The following APOA4 variants were observed in gnomAD, a reference collection of about 807,000 sequenced individuals.
APOA4 encodes the protein apolipoprotein A-IV.
A neutral mutation model predicts 33.6 loss-of-function variants in APOA4; 25 were observed. The ratio of observed to expected loss-of-function variants is 0.74; its 90% confidence interval spans 0.54 to 1.04. APOA4 has a LOEUF of 1.04. APOA4 is among the 50% of genes least tolerant of loss of function. The pLI is 0.00. For missense variants in APOA4, 549 were observed against 510.4 expected (o/e 1.08, Z -0.73); for synonymous variants, 228 against 224.0 (o/e 1.02, Z -0.16).
chr11:116,821,329 G>C lies in APOA4; in HGVS notation c.729C>G (p.Phe243Leu), dbSNP rs747859712. 1 of 1,614,048 alleles carries C rather than the reference G, an allele frequency of 6.2e-7. No homozygotes were observed. The highest frequency in any genetic ancestry group is 1.7e-5 in the Admixed American group (1 of 60,026). The change falls in exon 3 of 3, where the codon TTC becomes TTG. Residue 243 changes from phenylalanine to leucine, a missense_variant. Phe to Leu is a conservative substitution (Grantham distance 22, BLOSUM62 0). Transcript: ENST00000357780. ...GCTCCTCGGCGTTCTTCTTCATCTG[G>C]AAGGTCAGGCCCTCAAGCTGGTGGT... is the stretch of plus-strand genomic sequence containing the variant. ...KLNHQLEGLTFQMKKNAEELK... is the reference protein window; with the variant it reads ...KLNHQLEGLTLQMKKNAEELK...
At chr11:116,822,628 C>G (rs770663902) in intron 2 of APOA4, 31 bp downstream of exon 2, 4 of 1,614,136 alleles carry the variant, frequency 2.5e-6, no homozygotes. Context: ...AAGAATTCCC[C>G]GTCACCACCG....
rs778993673 is a variant in APOA4, at chr11:116,821,413, G to T, written c.645C>A (p.Thr215=). The T allele has an allele frequency of 6.2e-7, 1 of 1,614,024 alleles. No individual in the cohort carries two copies. Among genetic ancestry groups the T allele is most frequent in the East Asian group, 2.2e-5 (1 of 44,884 alleles). ...CCAGGCTGCGGCGCAGCTCCTCCAC[G>T]GTCTGGTCAATCTTGACTTTGAATT... ...ADEFKVKIDQ[T]VEELRRSLAP... is the part of the protein sequence containing the mutation. The change falls in exon 3 of 3, where the codon ACC becomes ACA. Residue 215 remains threonine (T), a synonymous_variant. Transcript: ENST00000357780.
At chr11:116,822,579 C>A in intron 2 of APOA4, 80 bp downstream of exon 2, 1 of 1,609,412 alleles carries the variant, frequency 6.2e-7, no homozygotes, top group Non-Finnish European at 8.5e-7. Flanking sequence ...GGGCTCCTGT[C>A]TCTAAGCTCA....
chr11:116,821,130 A>T lies in APOA4; in HGVS notation c.928T>A (p.Tyr310Asn). The T allele has an allele frequency of 6.2e-7, 1 of 1,613,764 alleles. No homozygotes were observed. ...AGGGCTTTGTTGAAGTTTTCCCCGT[A>T]GGGCTCCACCCGGCGTCGGAACTCC... Reference protein sequence around the residue: ...VEEFRRRVEPYGENFNKALVQ... With the variant: ...VEEFRRRVEPNGENFNKALVQ... The change falls in exon 3 of 3, where the codon TAC becomes AAC. Residue 310 changes from tyrosine (Y) to asparagine (N), a missense_variant. Coordinates refer to ENST00000357780, the MANE Select transcript of APOA4 (RefSeq NM_000482.4).
chr11:116,822,479 T>C (rs1164799879), intron 2 of APOA4, among the ~76,000 whole-genome samples, 180 bp downstream of exon 2: 2 of 152,200 alleles, frequency 1.3e-5, no homozygotes, highest in African/African-American at 4.8e-5. Flanking sequence ...TGGCAGGGAT[T>C]ATTCGGTCCA....
rs1230372463 is a variant in APOA4 at position 116,821,223 on chromosome 11, T to G, written c.835A>C (p.Arg279=). The change falls in exon 3 of 3, where the codon AGG becomes CGG. Residue 279 remains arginine, a synonymous_variant. Transcript: ENST00000357780. ...PLAEDVRGNL[R]GNTEGLQKSL... ...TTCTGCAGCCCCTCGGTGTTGCCCC[T>G]CAGGTTGCCACGCACGTCCTCGGCC... 6.8e-6 allele frequency: 11 copies of G among 1,613,018 alleles called. No homozygotes were observed. The highest frequency in any genetic ancestry group is 8.5e-6 in the Non-Finnish European group (10 of 1,180,042).
intron 2 of APOA4, among the ~76,000 whole-genome samples, chr11:116,822,323 C>T (rs571790562): frequency 1.3e-5 from 2 of 152,170 alleles, no homozygotes; most frequent in South Asian, 4.1e-4. Flanking sequence ...TCCCACCTCC[C>T]TCCCCTTGAT....
rs139204483 is a variant in APOA4 at position 116,821,437 on chromosome 11, T to C, written c.621A>G (p.Glu207=). The change falls in exon 3 of 3, where the codon GAA becomes GAG. Residue 207 remains glutamate (E), a synonymous_variant. Transcript: ENST00000357780. ...CGGTCTGGTCAATCTTGACTTTGAATTCGTCAGCGTAGGGCGTAAGGCGTC... is the reference window on the plus strand; with the variant it reads ...CGGTCTGGTCAATCTTGACTTTGAACTCGTCAGCGTAGGGCGTAAGGCGTC... ...LKGRLTPYAD[E]FKVKIDQTVE... is the part of the protein sequence containing the mutation. 3.7e-6 allele frequency: 6 copies of C among 1,614,148 alleles called. No homozygotes were observed. The highest frequency in any genetic ancestry group is 5.1e-6 in the Non-Finnish European group (6 of 1,180,000).
chr11:116,822,030 A>G (rs1247572606), intron 2 of APOA4, 149 bp from the exon 3 acceptor site: 2 of 947,670 alleles, frequency 2.1e-6, no homozygotes, highest in East Asian at 4.8e-5. Context: ...GGTGGTGCAG[A>G]TTGGAGAGGA....
chr11:116,821,371 G>T lies in APOA4; in HGVS notation c.687C>A (p.Asp229Glu). ...LRRSLAPYAQDTQEKLNHQLE... is the reference protein window; with the variant it reads ...LRRSLAPYAQETQEKLNHQLE... Reference sequence around the variant, plus strand: ...GCTGGTGGTTGAGCTTCTCCTGCGTGTCCTGAGCATAGGGAGCCAGGCTGC... The same window carrying T: ...GCTGGTGGTTGAGCTTCTCCTGCGTTTCCTGAGCATAGGGAGCCAGGCTGC... The change falls in exon 3 of 3, where the codon GAC (aspartate) becomes GAA (glutamate). Residue 229 changes from aspartate to glutamate, a missense_variant. By Grantham distance (45) the Asp-to-Glu change is conservative. Transcript: ENST00000357780. The T allele has an allele frequency of 6.2e-7, 1 of 1,614,196 alleles. No homozygotes were observed. Among genetic ancestry groups the T allele is most frequent in the Non-Finnish European group, 8.5e-7 (1 of 1,180,034 alleles).
In APOA4 at chr11:116,820,874, T is replaced by C; in HGVS notation, c.1184A>G (p.Glu395Gly). ...QEQVQMLAPLES is the reference protein window; with the variant it reads ...QEQVQMLAPLGS ...CAGTGCACCAGGGGCAGCTCAGCTC[T>C]CCAAAGGGGCCAGCATCTGCACCTG... The change falls in exon 3 of 3, where the codon GAG (glutamate) becomes GGG (glycine). Residue 395 changes from glutamate (E) to glycine (G), a missense_variant. Transcript: ENST00000357780. The C allele has an allele frequency of 6.2e-7, 1 of 1,614,010 alleles. No homozygotes were observed. The highest frequency in any genetic ancestry group is 8.5e-7 in the Non-Finnish European group (1 of 1,180,006).
chr11:116,822,028 A>G, intron 2 of APOA4, 147 bp from the exon 3 acceptor site: 1 of 984,356 alleles, frequency 1.0e-6, no homozygotes, highest in Non-Finnish European at 1.6e-6. Context: ...ATGGTGGTGC[A>G]GATTGGAGAG....
At chr11:116,823,004 C>T in intron 1 of APOA4, 139 bp downstream of exon 1, 2 of 1,365,720 alleles carry the variant, frequency 1.5e-6, no homozygotes, top group Non-Finnish European at 1.0e-6. Flanking sequence ...CTGTGAGCCA[C>T]TTGGCAGCCA....
rs1210170244 is a variant in APOA4, at chr11:116,820,822, C to G, written c.*45G>C. 14 of 1,601,868 alleles carry G rather than the reference C, an allele frequency of 8.7e-6. No individual in the cohort carries two copies. Among genetic ancestry groups the G allele is most frequent in the Admixed American group, 1.7e-5 (1 of 59,578 alleles). ...ACAGACAGACAGACAGGTGGCAGGG[C>G]AGGGCAGGTGTCCACGAGGGTGGGG... On this transcript the variant is annotated 3_prime_UTR_variant, in exon 3 of 3. Coordinates refer to ENST00000357780, the MANE Select transcript of APOA4 (RefSeq NM_000482.4).
In APOA4 at chr11:116,822,586, C is replaced by T. The variant is rs186434392; in HGVS notation, c.176+73G>A. On this transcript the variant is annotated intron_variant, in intron 2 of 2. Coordinates refer to ENST00000357780, the MANE Select transcript of APOA4 (RefSeq NM_000482.4). ...TAAGCTCAGGGCTCCTGTCTCTAAG[C>T]TCAACCCTTGCCAGTACATTGCATG... The T allele has an allele frequency of 6.9e-5, 111 of 1,611,542 alleles. No homozygotes were observed. The Admixed American group carries it at 9.2e-4, about 13-fold the overall frequency.
intron 2 of APOA4, 129 bp downstream of exon 2, chr11:116,822,530 C>T (rs1231409178): frequency 2.9e-5 from 40 of 1,401,976 alleles, no homozygotes; most frequent in Middle Eastern, 1.7e-4. Flanking sequence ...TTCAGAGGCC[C>T]GGCCAGTTAG....
rs2134217515 is a variant in APOA4, at chr11:116,820,958, G to A, written c.1100C>T (p.Thr367Ile). The change falls in exon 3 of 3, where the codon ACT (threonine) becomes ATT (isoleucine). Residue 367 changes from threonine (T) to isoleucine (I), a missense_variant. Transcript: ENST00000357780. ...TFKEKESQDK[T>I]LSLPELEQQQ... is the part of the protein sequence containing the mutation. ...TTGCTCCAGCTCAGGGAGGGAGAGA[G>A]TCTTGTCCTGGCTCTCTTTCTCCTT... 1 of 1,614,192 alleles carries A rather than the reference G, an allele frequency of 6.2e-7. No homozygotes were observed. Among genetic ancestry groups the A allele is most frequent in the Admixed American group, 1.7e-5 (1 of 60,028 alleles).
At position 116,821,014 on chromosome 11, in the gene APOA4, C is replaced by G; in HGVS notation, c.1044G>C (p.Arg348Ser). ...TGCTGAAGAAGGAGTTGACCTTGTC[C>G]CTCAGGTCCTTCTCCAGGAAGCTCA... is the stretch of plus-strand genomic sequence containing the variant. ...GHLSFLEKDL[R>S]DKVNSFFSTF... The change falls in exon 3 of 3, where the codon AGG becomes AGC. Residue 348 changes from arginine to serine, a missense_variant. Transcript: ENST00000357780. The G allele has an allele frequency of 6.2e-7, 1 of 1,614,214 alleles. No individual in the cohort carries two copies. Among genetic ancestry groups the G allele is most frequent in the Non-Finnish European group, 8.5e-7 (1 of 1,180,040 alleles).
At position 116,820,863 on chromosome 11, in the gene APOA4, C is replaced by T. The variant is rs1442405730; in HGVS notation, c.*4G>A. ...GAGGGTGGGGCCAGTGCACCAGGGG[C>T]AGCTCAGCTCTCCAAAGGGGCCAGC... On this transcript the variant is annotated 3_prime_UTR_variant, in exon 3 of 3. Coordinates refer to ENST00000357780, the MANE Select transcript of APOA4 (RefSeq NM_000482.4). 6.2e-7 allele frequency: 1 copy of T among 1,613,474 alleles called. No homozygotes were observed. The highest frequency in any genetic ancestry group is 1.3e-5 in the African/African-American group (1 of 74,932).
Sources: gnomAD v4.1 joint callset for allele counts (sites outside exome capture counted in the v4.1 genomes callset) on GRCh38, gnomAD v4.1.1 for gene constraint, MANE v1.5 for transcripts, NCBI Gene and HGNC (gene_info 2026-07-23, HGNC 2026-07-21) for gene names.